PCNT: variants seen among roughly 807,000 people sequenced by gnomAD.
PCNT encodes the protein pericentrin.
In PCNT, 319 loss-of-function variants were observed where a neutral mutation model predicts 380.4. The observed-to-expected ratio is 0.84, with a 90% CI of 0.77 to 0.92. The LOEUF is 0.92. PCNT is among the 40% of genes least tolerant of loss of function. The probability of loss-of-function intolerance (pLI) is 0.00; values close to 1 mark genes in which losing one functional copy is unlikely to be tolerated. For synonymous variants in PCNT, 1,845 were observed against 1,735.2 expected (o/e 1.06, Z -1.57); for missense variants, 4,400 against 4,255.3 (o/e 1.03, Z -0.95).
rs573903694 is a variant in PCNT at position 46,384,409 on chromosome 21, C to T, written c.3313-1423C>T. The stretch of plus-strand genomic sequence containing the variant: ...ATTCACGGTGTTGTGCATTCAGCAG[C>T]GGAAGCGCATTCACCATGTTGTATA... On this transcript the variant is annotated intron_variant, in intron 16 of 46. Coordinates refer to ENST00000359568, the MANE Select transcript of PCNT (RefSeq NM_006031.6). Among the ~76,000 whole-genome samples the T allele has an allele frequency of 7.6e-5, 11 of 145,244 alleles. 2 individuals are homozygous for T. The East Asian group carries it at 1.3e-3, about 17-fold the overall frequency.
At chr21:46,402,087 C>T (rs548737671) in intron 26 of PCNT, among the ~76,000 whole-genome samples, 4 of 152,146 alleles carry the variant, frequency 2.6e-5, no homozygotes, top group East Asian at 1.9e-4. Context: ...CTCCTGACCT[C>T]GGGTGATCTG....
At position 46,399,801 on chromosome 21, in the gene PCNT, A is replaced by G. The variant is rs749819015; in HGVS notation, c.4791+5A>G. On this transcript the variant is annotated splice_donor_5th_base_variant and intron_variant, in intron 25 of 46. Coordinates refer to ENST00000359568, the MANE Select transcript of PCNT (RefSeq NM_006031.6). ...ATCGTGAAAGGGCTGGAACAGGTAA[A>G]GCGTCTCCATGTTGTGGTTGGGCAC... 3 of 1,613,368 alleles carry G rather than the reference A, an allele frequency of 1.9e-6. No individual in the cohort carries two copies. In the East Asian group the frequency reaches 6.7e-5, roughly 36 times the overall value.
rs549980586 is a variant in PCNT at position 46,442,195 on chromosome 21, C to T, written c.9624-302C>T. On this transcript the variant is annotated intron_variant, in intron 43 of 46. Transcript: ENST00000359568. ...TGGCCGGCTGACTTTGAACTGGAGT[C>T]GTCCTGAGCTGGGCCATGGTGGGTG... is the stretch of plus-strand genomic sequence containing the variant. Among the ~76,000 whole-genome samples, 36 of 152,216 alleles carry T rather than the reference C, an allele frequency of 2.4e-4. 1 individual carries two copies. The highest frequency in any genetic ancestry group is 1.4e-3 in the Admixed American group (22 of 15,294).
intron 22 of PCNT, 143 bp downstream of exon 22, chr21:46,397,637 C>T (rs984440531): frequency 2.7e-6 from 2 of 733,686 alleles, no homozygotes; most frequent in Non-Finnish European, 4.7e-6. Flanking sequence ...GCACCCAGGT[C>T]GCTGACTCTT....
chr21:46,350,838 T>C (rs1223821959), intron 8 of PCNT, among the ~76,000 whole-genome samples: 1 of 151,896 alleles, frequency 6.6e-6, no homozygotes, highest in Non-Finnish European at 1.5e-5. Flanking sequence ...ATGCCCATGA[T>C]TGGGAAAGGT....
At chr21:46,355,682 C>T (rs1228217851) in intron 12 of PCNT, 56 bp downstream of exon 12, 2 of 1,578,332 alleles carry the variant, frequency 1.3e-6, no homozygotes, top group African/African-American at 1.3e-5. Context: ...GGGGGACGTT[C>T]TCGGGGAGCC....
chr21:46,332,710 C>T (rs2083597287), intron 2 of PCNT, among the ~76,000 whole-genome samples: 1 of 152,240 alleles, frequency 6.6e-6, no homozygotes, highest in Non-Finnish European at 1.5e-5. Flanking sequence ...TGCTCTCTCT[C>T]TGCATTCATC....
chr21:46,432,325 C>T, intron 38 of PCNT, 110 bp downstream of exon 38: 1 of 1,034,518 alleles, frequency 9.7e-7, no homozygotes. Context: ...CTGACCTGGT[C>T]TGCTCTGGTC....
In PCNT at chr21:46,398,022, A is replaced by T. The variant is rs1601955446; in HGVS notation, c.4455A>T (p.Ala1485=). The change falls in exon 23 of 47, where the codon GCA becomes GCT. Residue 1485 remains alanine, a synonymous_variant. Coordinates refer to ENST00000359568, the MANE Select transcript of PCNT (RefSeq NM_006031.6). ...RNQRQFMDEQ[A]AEREHEREEF... ...GCTGCCTCTCCTCCCAGGAGCAGGCAGCCGAGCGGGAGCACGAGCGCGAGG... is the reference window on the plus strand; with the variant it reads ...GCTGCCTCTCCTCCCAGGAGCAGGCTGCCGAGCGGGAGCACGAGCGCGAGG... The T allele has an allele frequency of 1.3e-6, 2 of 1,585,534 alleles. No homozygotes were observed. The highest frequency in any genetic ancestry group is 2.3e-5 in the East Asian group (1 of 43,606).
At position 46,405,055 on chromosome 21, in the gene PCNT, G is replaced by A. The variant is rs186811774; in HGVS notation, c.5115+2572G>A. Among the ~76,000 whole-genome samples the A allele has an allele frequency of 3.0e-3, 460 of 152,224 alleles. 3 individuals are homozygous for A. Among genetic ancestry groups the A allele is most frequent in the Non-Finnish European group, 4.2e-3 (288 of 68,012 alleles). ...GGAATTCGAGATCAGCCTGGACAAC[G>A]TAATGAGACCCATCTCTACAAATTT... On this transcript the variant is annotated intron_variant, in intron 27 of 46. Coordinates refer to ENST00000359568, the MANE Select transcript of PCNT (RefSeq NM_006031.6).
intron 32 of PCNT, among the ~76,000 whole-genome samples, chr21:46,424,221 G>A (rs940844616): frequency 1.1e-4 from 16 of 152,196 alleles, no homozygotes; most frequent in African/African-American, 1.7e-4. Context: ...GTGGGGCCCC[G>A]GCCACTCTTG....
intron 27 of PCNT, among the ~76,000 whole-genome samples, chr21:46,406,860 A>G (rs937035008): frequency 6.6e-6 from 1 of 152,182 alleles, no homozygotes; most frequent in Admixed American, 6.5e-5. Flanking sequence ...TGAGTGATTT[A>G]TTTCTTGGAG....
intron 32 of PCNT, among the ~76,000 whole-genome samples, chr21:46,423,807 G>GAGGGGGAGGGGAGAGGGGAGGAGGAGGAA (rs2087368802): frequency 1.2e-5 from 1 of 82,064 alleles, no homozygotes; most frequent in Non-Finnish European, 2.6e-5. Context: ...AAGAGAAGGG[G>GAGGGGGAGGGGAGAGGGGAGGAGGAGGAA]GAGTGGGAGG....
chr21:46,442,863 T>A, intron 44 of PCNT: 2 of 470,364 alleles, frequency 4.3e-6, no homozygotes, highest in South Asian at 2.3e-5. Flanking sequence ...GGTCTTTTTT[T>A]ATTCCTTAAA....
At chr21:46,387,111 C>T (rs1275021280) in intron 17 of PCNT, among the ~76,000 whole-genome samples, 2 of 152,238 alleles carry the variant, frequency 1.3e-5, no homozygotes, top group African/African-American at 4.8e-5. Flanking sequence ...TGGCTCTGCT[C>T]TGGAGACCAC....
In PCNT at chr21:46,363,854, G is replaced by A. The variant is rs111690390; in HGVS notation, c.2529G>A (p.Pro843=). The A allele has an allele frequency of 3.1e-5, 50 of 1,611,716 alleles. No homozygotes were observed. The highest frequency in any genetic ancestry group is 3.7e-5 in the Non-Finnish European group (44 of 1,179,092). Reference sequence around the variant, plus strand: ...ATTGCAGCCAGTGTGGGCGGGAGCCGCCCACAGCCCAGGACGGGGAGCTTG... The same window carrying A: ...ATTGCAGCCAGTGTGGGCGGGAGCCACCCACAGCCCAGGACGGGGAGCTTG... ...ALHCSQCGRE[P]PTAQDGELAA... is the part of the protein sequence containing the mutation. Residue 843 remains proline (P), a synonymous_variant, in exon 14 of 47, where the codon CCG becomes CCA. Coordinates refer to ENST00000359568, the MANE Select transcript of PCNT (RefSeq NM_006031.6).
chr21:46,359,480 G>GTTTTTTTTTGTTT (rs2084611533), intron 13 of PCNT, among the ~76,000 whole-genome samples: 1 of 65,732 alleles, frequency 1.5e-5, no homozygotes, highest in Admixed American at 2.1e-4. Context: ...AAATACACCT[G>GTTTTTTTTTGTTT]TTTTTTTTTT....
chr21:46,384,540 A>C (rs543820960), intron 16 of PCNT, among the ~76,000 whole-genome samples: 4 of 147,246 alleles, frequency 2.7e-5, no homozygotes, highest in African/African-American at 7.4e-5. Flanking sequence ...TTGTGCGTTC[A>C]GTGGCGGAAG....
intron 1 of PCNT, chr21:46,325,159 G>A (rs2083332846): frequency 9.1e-6 from 9 of 985,772 alleles, no homozygotes; most frequent in Non-Finnish European, 1.1e-5. Context: ...CAGGAGAAAG[G>A]GAGTCCCGAA....
Sources: gnomAD v4.1 joint callset for allele counts (sites outside exome capture counted in the v4.1 genomes callset) on GRCh38, gnomAD v4.1.1 for gene constraint, MANE v1.5 for transcripts, NCBI Gene and HGNC (gene_info 2026-07-23, HGNC 2026-07-21) for gene names.